LINGO2: variants seen among roughly 807,000 people sequenced by gnomAD.
LINGO2 encodes leucine rich repeat and Ig domain containing 2, also known as leucine-rich repeat and immunoglobulin-like domain-containing nogo receptor-interacting protein 2.
Under a neutral mutation model 30.6 loss-of-function variants are expected in LINGO2, and 14 were observed. That is an observed-to-expected ratio of 0.46 (90% confidence interval 0.30 to 0.72). The LOEUF (loss-of-function observed/expected upper bound fraction) is 0.72, where lower values mean the gene tolerates loss of function less well. Among genes scored for constraint, LINGO2 ranks in the 30% least tolerant of loss-of-function variants. The pLI, the probability that LINGO2 is intolerant of heterozygous loss-of-function variation, is 0.07. For missense variants in LINGO2, 729 were observed against 751.7 expected, an observed-to-expected ratio of 0.97 and a Z score of 0.35; for synonymous variants, 317 against 288.5, an observed-to-expected ratio of 1.10 and a Z score of -1.00.
chr9:28,709,478 A>G, the LINGO2 span, among the ~76,000 whole-genome samples: 3 of 152,000 alleles, frequency 2.0e-5, no homozygotes, highest in East Asian at 1.9e-4. Flanking sequence ...ATTTGGGGGG[A>G]AAATCTAATA....
chr9:28,589,475 A>C (rs1394812706), intron 1 of LINGO2, among the ~76,000 whole-genome samples: 1 of 152,058 alleles, frequency 6.6e-6, no homozygotes, highest in Admixed American at 6.6e-5. Flanking sequence ...AAATCAATGT[A>C]CAAAAATCAC....
In LINGO2 at chr9:28,455,655, G is replaced by T. The variant is rs73437476; in HGVS notation, c.-279+20285C>A. Among the ~76,000 whole-genome samples the T allele has an allele frequency of 1.3e-3, 197 of 152,198 alleles. 1 individual carries two copies. Among genetic ancestry groups the T allele is most frequent in the African/African-American group, 4.5e-3 (185 of 41,540 alleles). On this transcript the variant is annotated intron_variant, in intron 2 of 5. Transcript: ENST00000379992. ...TAAATCTATGCTCTCGTGACAGTCTGGGAGAATAGGCCATGCTACTCTCTT... is the reference window on the plus strand; with the variant it reads ...TAAATCTATGCTCTCGTGACAGTCTTGGAGAATAGGCCATGCTACTCTCTT...
intron 4 of LINGO2, among the ~76,000 whole-genome samples, chr9:28,203,433 G>T (rs990882577): frequency 7.9e-5 from 12 of 152,128 alleles, no homozygotes; most frequent in Admixed American, 4.6e-4. Flanking sequence ...ACAAAGAGGG[G>T]TATTTCTTTT....
chr9:28,164,715 CG>C (rs1828379569), intron 4 of LINGO2, among the ~76,000 whole-genome samples: 1 of 152,070 alleles, frequency 6.6e-6, no homozygotes, highest in African/African-American at 2.4e-5. Flanking sequence ...TTGAGCTGGC[CG>C]GTTCACCCCT....
At chr9:28,662,704 T>C (rs945717587) in intron 1 of LINGO2, among the ~76,000 whole-genome samples, 5 of 152,198 alleles carry the variant, frequency 3.3e-5, no homozygotes, top group African/African-American at 1.2e-4. Context: ...TTTGTAGCGC[T>C]ATAATGTTAA....
At chr9:28,811,661 A>G in the LINGO2 span, among the ~76,000 whole-genome samples, 1 of 152,106 alleles carries the variant, frequency 6.6e-6, no homozygotes, top group Non-Finnish European at 1.5e-5. Context: ...TACTTAGAAT[A>G]CTTTTCCCAG....
intron 4 of LINGO2, among the ~76,000 whole-genome samples, chr9:28,145,594 T>G (rs138756205): frequency 6.6e-6 from 1 of 152,190 alleles, no homozygotes; most frequent in Non-Finnish European, 1.5e-5. Context: ...AAACATCTGC[T>G]CCAGATTTGA....
At chr9:28,453,336 G>A (rs112884643) in intron 2 of LINGO2, among the ~76,000 whole-genome samples, 26 of 151,878 alleles carry the variant, frequency 1.7e-4, no homozygotes, top group African/African-American at 4.8e-4. Context: ...ACAAATGCTC[G>A]GTTAATTTTT....
chr9:28,070,300 C>G (rs1825436806), intron 4 of LINGO2, among the ~76,000 whole-genome samples: 1 of 152,040 alleles, frequency 6.6e-6, no homozygotes, highest in Non-Finnish European at 1.5e-5. Context: ...GGAGTTATAC[C>G]TCTTGGTGGA....
the LINGO2 span, among the ~76,000 whole-genome samples, chr9:28,749,277 C>T: frequency 2.0e-5 from 3 of 151,986 alleles, no homozygotes; most frequent in South Asian, 4.1e-4. Flanking sequence ...TTGTCCTTTA[C>T]ATTGAGAGCC....
intron 2 of LINGO2, among the ~76,000 whole-genome samples, chr9:28,380,808 T>C (rs2134628052): frequency 6.6e-6 from 1 of 152,074 alleles, no homozygotes; most frequent in Non-Finnish European, 1.5e-5. Context: ...AGGCTTAAAA[T>C]AAGAACATGG....
chr9:28,086,266 A>G (rs754509732), intron 4 of LINGO2, among the ~76,000 whole-genome samples: 2 of 152,124 alleles, frequency 1.3e-5, no homozygotes, highest in African/African-American at 2.4e-5. Flanking sequence ...ATGCTGCACT[A>G]TATTCAAAAT....
the LINGO2 span, among the ~76,000 whole-genome samples, chr9:28,727,345 G>A: frequency 2.1e-4 from 32 of 151,992 alleles, no homozygotes; most frequent in East Asian, 4.7e-3. Context: ...GAATGCAGTG[G>A]TGCGATCTCA....
At chr9:28,056,014 T>C (rs769198702) in intron 4 of LINGO2, among the ~76,000 whole-genome samples, 11 of 152,072 alleles carry the variant, frequency 7.2e-5, no homozygotes, top group African/African-American at 1.4e-4. Context: ...AGAAAGAACA[T>C]AGAAATGAAA....
chr9:28,594,675 G>T (rs1415384359), intron 1 of LINGO2, among the ~76,000 whole-genome samples: 1 of 152,080 alleles, frequency 6.6e-6, no homozygotes, highest in Non-Finnish European at 1.5e-5. Context: ...TTAAGTTAAT[G>T]AGTTTCCTAA....
At chr9:28,803,026 G>C in the LINGO2 span, among the ~76,000 whole-genome samples, 54 of 152,082 alleles carry the variant, frequency 3.6e-4, no homozygotes, top group Middle Eastern at 3.4e-3. Context: ...CAAGACTCTG[G>C]GAAAGAGAAA....
chr9:28,622,219 T>C (rs1291769645), intron 1 of LINGO2, among the ~76,000 whole-genome samples: 1 of 151,990 alleles, frequency 6.6e-6, no homozygotes, highest in Non-Finnish European at 1.5e-5. Context: ...AGTTACCCAG[T>C]TGTGCTATCA....
chr9:28,249,146 C>A (rs1822107635), intron 4 of LINGO2, among the ~76,000 whole-genome samples: 1 of 151,914 alleles, frequency 6.6e-6, no homozygotes, highest in East Asian at 1.9e-4. Context: ...ATTATTTTAC[C>A]TTGGGAACTG....
intron 4 of LINGO2, among the ~76,000 whole-genome samples, chr9:28,244,258 AG>A (rs1821916146): frequency 6.6e-6 from 1 of 152,242 alleles, no homozygotes; most frequent in Non-Finnish European, 1.5e-5. Context: ...GCAGAAATCA[AG>A]AAGTTCTTTG....
Sources: allele counts gnomAD v4.1 joint callset (sites outside exome capture counted in the v4.1 genomes callset), GRCh38; gene constraint gnomAD v4.1.1; transcripts MANE v1.5; gene names NCBI Gene and HGNC (gene_info 2026-07-23, HGNC 2026-07-21).